Variants in RGS7 observed in about 807,000 individuals in gnomAD.
RGS7 encodes the protein regulator of G protein signaling 7.
RGS7 carries 27 observed loss-of-function variants against 81.1 expected under a neutral mutation model. The observed-to-expected ratio is 0.33, with a 90% CI of 0.25 to 0.46. The LOEUF is 0.46. RGS7 is among the 20% of genes least tolerant of loss of function. The pLI is 1.00. For missense variants in RGS7, 396 were observed against 607.4 expected, an observed-to-expected ratio of 0.65 and a Z score of 3.66; for synonymous variants, 208 against 207.7, an observed-to-expected ratio of 1.00 and a Z score of -0.01.
intron 4 of RGS7, among the ~76,000 whole-genome samples, chr1:240,946,579 G>A (rs1479574154): frequency 6.6e-6 from 1 of 152,018 alleles, no homozygotes; most frequent in East Asian, 1.9e-4. Context: ...TGCACTGGGT[G>A]ACAGAGTAAG....
intron 2 of RGS7, among the ~76,000 whole-genome samples, chr1:241,148,391 T>C (rs997962435): frequency 4.6e-5 from 7 of 152,144 alleles, no homozygotes; most frequent in African/African-American, 1.7e-4. Context: ...AGCCAGACAG[T>C]AATGAATTGG....
rs115158590 is a variant in RGS7, at chr1:241,333,465, T to C, written c.78+22234A>G. 6.4e-4 allele frequency among the ~76,000 whole-genome samples: 98 copies of C among 152,348 alleles called. 1 individual carries two copies. Among genetic ancestry groups the C allele is most frequent in the African/African-American group, 2.2e-3 (90 of 41,578 alleles). On this transcript the variant is annotated intron_variant, in intron 2 of 18. Transcript: ENST00000440928. Reference sequence around the variant, plus strand: ...ACTTCAGCTGGGACAAGAACTACTTTGTGAGTTAGAAAATTGGGTTCATGT... The same window carrying C: ...ACTTCAGCTGGGACAAGAACTACTTCGTGAGTTAGAAAATTGGGTTCATGT...
chr1:240,826,938 A>C (rs2147791285), intron 10 of RGS7, among the ~76,000 whole-genome samples, 160 bp downstream of exon 10: 1 of 152,106 alleles, frequency 6.6e-6, no homozygotes, highest in Non-Finnish European at 1.5e-5. Flanking sequence ...GGTGTGCTTG[A>C]GCATTAGGGT....
intron 2 of RGS7, among the ~76,000 whole-genome samples, chr1:241,165,731 GTAAC>G (rs1237619552): frequency 6.7e-6 from 1 of 150,168 alleles, no homozygotes; most frequent in Non-Finnish European, 1.5e-5. Context: ...GTATACATAT[GTAAC>G]TAACCTGAAC....
At position 240,971,085 on chromosome 1, in the gene RGS7, G is replaced by A. The variant is rs149764871; in HGVS notation, c.226+11994C>T. 2.8e-3 allele frequency among the ~76,000 whole-genome samples: 420 copies of A among 152,268 alleles called. 4 individuals carry two copies. The highest frequency in any genetic ancestry group is 8.9e-3 in the African/African-American group (368 of 41,540). On this transcript the variant is annotated intron_variant, in intron 4 of 18. Transcript: ENST00000440928. ...GTCTGTATCACCCCCAAATTCATAC[G>A]GGAGGTGATTAGGTAATGAGGGCAC... is the stretch of plus-strand genomic sequence containing the variant.
chr1:241,110,584 T>TA (rs1410407480), intron 2 of RGS7, among the ~76,000 whole-genome samples: 3 of 152,128 alleles, frequency 2.0e-5, no homozygotes, highest in African/African-American at 7.2e-5. Flanking sequence ...AGGAAGGACA[T>TA]AAAAAAAGTC....
chr1:241,309,487 T>C (rs1558301809), intron 2 of RGS7, among the ~76,000 whole-genome samples: 1 of 152,048 alleles, frequency 6.6e-6, no homozygotes, highest in East Asian at 1.9e-4. Context: ...CCTGGCCATA[T>C]TGTAGGCTGC....
In RGS7 at chr1:241,122,945, A is replaced by C. The variant is rs115296927; in HGVS notation, c.79-24183T>G. On this transcript the variant is annotated intron_variant, in intron 2 of 18. Transcript: ENST00000440928. ...TAGTTGAAAAATCCTAAGTCGAACC[A>C]CATTAAGTTGGGGACCATCTGTAAA... Among the ~76,000 whole-genome samples, 982 of 152,302 alleles carry C rather than the reference A, an allele frequency of 6.4e-3. 20 individuals are homozygous for C. The highest frequency in any genetic ancestry group is 0.023 in the African/African-American group (952 of 41,564).
intron 3 of RGS7, among the ~76,000 whole-genome samples, chr1:240,993,901 C>T (rs1301203783): frequency 6.6e-6 from 1 of 152,006 alleles, no homozygotes; most frequent in Non-Finnish European, 1.5e-5. Flanking sequence ...CGTGAATGTC[C>T]AATAGCTCTA....
intron 2 of RGS7, among the ~76,000 whole-genome samples, chr1:241,211,791 C>T (rs950249294): frequency 7.9e-5 from 12 of 152,168 alleles, no homozygotes; most frequent in African/African-American, 2.9e-4. Context: ...AGAGTTAAAA[C>T]AAAAACGGAT....
chr1:240,916,148 C>T (rs977117229), intron 6 of RGS7, among the ~76,000 whole-genome samples: 2 of 148,670 alleles, frequency 1.3e-5, no homozygotes, highest in Non-Finnish European at 3.0e-5. Context: ...CATGGTGGCT[C>T]ATGCTTGTAA....
At chr1:240,998,447 T>G in intron 3 of RGS7, 2 of 826,200 alleles carry the variant, frequency 2.4e-6, no homozygotes, top group Non-Finnish European at 3.9e-6. Flanking sequence ...AAAAGAGGTT[T>G]CGTCAAAAAG....
intron 3 of RGS7, among the ~76,000 whole-genome samples, chr1:241,088,845 A>G (rs1367481848): frequency 6.6e-6 from 1 of 151,492 alleles, no homozygotes; most frequent in Non-Finnish European, 1.5e-5. Flanking sequence ...CCCCGTCTCT[A>G]CTAAAAATAC....
At chr1:240,844,650 T>C (rs1276168273) in intron 9 of RGS7, among the ~76,000 whole-genome samples, 1 of 152,190 alleles carries the variant, frequency 6.6e-6, no homozygotes, top group East Asian at 1.9e-4. Flanking sequence ...AGATGAAAGA[T>C]ATAGCCAGGA....
intron 9 of RGS7, among the ~76,000 whole-genome samples, chr1:240,842,003 T>C (rs1658101616): frequency 6.6e-6 from 1 of 151,978 alleles, no homozygotes; most frequent in Non-Finnish European, 1.5e-5. Flanking sequence ...GCAATAAAAA[T>C]TGTTCCAACC....
At chr1:240,981,408 C>A (rs1572106413) in intron 4 of RGS7, among the ~76,000 whole-genome samples, 2 of 152,188 alleles carry the variant, frequency 1.3e-5, no homozygotes, top group East Asian at 3.9e-4. Context: ...CCGCGCCTGA[C>A]CCAGTCTTTA....
chr1:241,313,157 G>A (rs538888591), intron 2 of RGS7, among the ~76,000 whole-genome samples: 1 of 152,234 alleles, frequency 6.6e-6, no homozygotes, highest in Non-Finnish European at 1.5e-5. Flanking sequence ...TAACATAAAA[G>A]TACAAAGTGA....
At chr1:241,327,147 G>A (rs547188969) in intron 2 of RGS7, among the ~76,000 whole-genome samples, 6,018 of 73,934 alleles carry the variant, frequency 0.081, 498 homozygotes, top group Non-Finnish European at 0.11. Flanking sequence ...AGAAAGAAAG[G>A]AAAGAAAGAA....
intron 2 of RGS7, among the ~76,000 whole-genome samples, chr1:241,339,999 G>A (rs1016714339): frequency 6.6e-6 from 1 of 152,152 alleles, no homozygotes; most frequent in Non-Finnish European, 1.5e-5. Flanking sequence ...AAATTAATTT[G>A]TTTCTGATAA....
Sources: gnomAD v4.1 joint callset for allele counts (sites outside exome capture counted in the v4.1 genomes callset) on GRCh38, gnomAD v4.1.1 for gene constraint, MANE v1.5 for transcripts, NCBI Gene and HGNC (gene_info 2026-07-23, HGNC 2026-07-21) for gene names.